The following ANGEL2 variants were observed in gnomAD, a reference collection of about 807,000 sequenced individuals.
ANGEL2 encodes the protein RNA 2',3'-cyclic phosphatase ANGEL2.
ANGEL2 carries 41 observed loss-of-function variants against 66.0 expected under a neutral mutation model. That is an observed-to-expected ratio of 0.62 (90% CI 0.48 to 0.81). ANGEL2 has a LOEUF of 0.81. ANGEL2 is among the 30% of genes least tolerant of loss of function. ANGEL2 has a pLI of 0.00. For missense variants in ANGEL2, 561 were observed against 641.6 expected (o/e 0.87, Z 1.36); for synonymous variants, 208 against 226.5 (o/e 0.92, Z 0.73).
chr1:213,015,362 C>CCGG, intron 1 of ANGEL2: 7 of 1,404,128 alleles, frequency 5.0e-6, no homozygotes, highest in Non-Finnish European at 5.5e-6. Context: ...ACAAGCCTGG[C>CCGG]CGGCGGCCCA....
In ANGEL2 at chr1:212,999,845, G is replaced by C. The variant is rs954459809; in HGVS notation, c.1319+481C>G. ...TTTTCAACTGGCATATTCATTTTTG[G>C]ATCAATTCTCTTATAGATGGTTTTG... On this transcript the variant is annotated intron_variant, in intron 7 of 8. Transcript: ENST00000366962. Among the ~76,000 whole-genome samples, 15 of 152,236 alleles carry C rather than the reference G, an allele frequency of 9.9e-5. 1 individual carries two copies. Among genetic ancestry groups the C allele is most frequent in the Admixed American group, 6.5e-4 (10 of 15,286 alleles).
At chr1:212,996,508 G>A (rs1359841776) in intron 8 of ANGEL2, among the ~76,000 whole-genome samples, 8 of 150,258 alleles carry the variant, frequency 5.3e-5, no homozygotes, top group Non-Finnish European at 1.0e-4. Flanking sequence ...TGTAGTCTTA[G>A]CTACTCGGGA....
rs2076628787 is a variant in ANGEL2 at position 213,015,725 on chromosome 1, T to C, written c.-54A>G. 1 of 1,608,556 alleles carries C rather than the reference T, an allele frequency of 6.2e-7. No individual in the cohort carries two copies. Among genetic ancestry groups the C allele is most frequent in the South Asian group, 1.1e-5 (1 of 90,970 alleles). On this transcript the variant is annotated 5_prime_UTR_variant, in exon 1 of 9. It adds an upstream start codon to the 5' untranslated region. Transcript: ENST00000366962. ...AGGCCCCGGGTTCCACCTCAATCTC[T>C]ATAATCGATGCGACGGCCTAAAGTA...
Position 213,015,854 on chromosome 1 carries a change from C to G in ANGEL2, c.-183G>C, listed in dbSNP as rs943008738. ...CGGCCTACACTCCATCTTGCGCAGTCAGAGTCCCTGAATGCCTTAACCCGG... is the reference window on the plus strand; with the variant it reads ...CGGCCTACACTCCATCTTGCGCAGTGAGAGTCCCTGAATGCCTTAACCCGG... On this transcript the variant is annotated 5_prime_UTR_variant, in exon 1 of 9. Transcript: ENST00000366962. 1 of 699,518 alleles carries G rather than the reference C, an allele frequency of 1.4e-6. No individual in the cohort carries two copies. The allele number at this position is 699,518 out of a possible 1,614,324, so 43.3% of individuals were successfully genotyped here.
intron 8 of ANGEL2, among the ~76,000 whole-genome samples, chr1:212,996,591 CTAGCCTGGGTAACAG>C (rs1346897806): frequency 7.5e-6 from 1 of 133,096 alleles, no homozygotes; most frequent in East Asian, 2.2e-4. Context: ...CCACTGCACT[CTAGCCTGGGTAACAG>C]AGCGAGACTC....
rs538732485 is a variant in ANGEL2 at position 212,997,207 on chromosome 1, A to G, written c.1431T>C (p.Thr477=). The change falls in exon 8 of 9, where the codon ACT becomes ACC. Residue 477 remains threonine, a synonymous_variant. Coordinates refer to ENST00000366962, the MANE Select transcript of ANGEL2 (RefSeq NM_144567.5). The stretch of plus-strand genomic sequence containing the variant: ...CTGCAGAGTAGAAAATATAATCCAC[A>G]GTTATGGCACTTCGGGAATGACAGG... The part of the protein sequence containing the change: ...VTTCHSRSAI[T]VDYIFYSAEK... 6.2e-7 allele frequency: 1 copy of G among 1,613,996 alleles called. No individual in the cohort carries two copies. The highest frequency in any genetic ancestry group is 1.1e-5 in the South Asian group (1 of 91,074).
chr1:213,015,660 C>T lies in ANGEL2; in HGVS notation c.12G>A (p.Trp4Ter). 1 of 1,614,188 alleles carries T rather than the reference C, an allele frequency of 6.2e-7. No individual in the cohort carries two copies. Among genetic ancestry groups the T allele is most frequent in the Non-Finnish European group, 8.5e-7 (1 of 1,180,032 alleles). MEA[W>*]RCVRKGYGHC... Reference sequence around the variant, plus strand: ...GGCCGTAGCCCTTCCTCACACAGCGCCAGGCTTCCATCTTCGCCCTCCGCG... The same window carrying T: ...GGCCGTAGCCCTTCCTCACACAGCGTCAGGCTTCCATCTTCGCCCTCCGCG... The change falls in exon 1 of 9, where the codon TGG (tryptophan) becomes TGA (stop). Residue 4 changes from tryptophan to a stop codon, truncating the protein, a stop_gained. Transcript: ENST00000366962. LOFTEE classifies it high-confidence loss of function.
At chr1:213,001,046 C>A (rs2076165107) in intron 5 of ANGEL2, 134 bp from the exon 6 acceptor site, 1 of 780,930 alleles carries the variant, frequency 1.3e-6, no homozygotes, top group Admixed American at 3.7e-5. Context: ...TTAAGTGATT[C>A]TTTGGACTTA....
chr1:213,011,125 T>C (rs945990588), intron 2 of ANGEL2: 2 of 1,225,778 alleles, frequency 1.6e-6, no homozygotes, highest in Non-Finnish European at 2.1e-6. Context: ...TGGAAGACAA[T>C]TTGAAAACCA....
At chr1:213,005,841 TC>T (rs992011329) in intron 4 of ANGEL2, among the ~76,000 whole-genome samples, 1 of 152,150 alleles carries the variant, frequency 6.6e-6, no homozygotes, top group African/African-American at 2.4e-5. Flanking sequence ...CTTAACACAC[TC>T]CAACCTCAGG....
intron 1 of ANGEL2, among the ~76,000 whole-genome samples, chr1:213,014,332 TTTTG>T (rs1322342483): frequency 3.3e-5 from 5 of 152,252 alleles, no homozygotes; most frequent in African/African-American, 4.8e-5. Context: ...CCTAAGGGAA[TTTTG>T]TTTAAGTTGC....
At chr1:212,996,267 A>G (rs898757371) in intron 8 of ANGEL2, among the ~76,000 whole-genome samples, 4 of 152,158 alleles carry the variant, frequency 2.6e-5, no homozygotes, top group African/African-American at 9.6e-5. Context: ...AGATAGCGCC[A>G]CTGCACTCCA....
rs1184206404 is a variant in ANGEL2, at chr1:212,992,436, T to G, written c.*2605A>C. 1.3e-5 allele frequency: 2 copies of G among 152,248 alleles called. No individual in the cohort carries two copies. The highest frequency in any genetic ancestry group is 2.9e-5 in the Non-Finnish European group (2 of 68,048). 9.4% of individuals were successfully genotyped at this position (152,248 alleles called of 1,614,324 possible). A position where few individuals can be genotyped will look rare whatever the true frequency, so the allele number is the denominator to read the frequency against. On this transcript the variant is annotated 3_prime_UTR_variant, in exon 9 of 9. Coordinates refer to ENST00000366962, the MANE Select transcript of ANGEL2 (RefSeq NM_144567.5). ...CTTTCCATTTAAAACTTGGATAGTA[T>G]AACACTTGAGACTGAGAGATTTGGT...
chr1:213,007,295 A>G, intron 3 of ANGEL2, 97 bp from the exon 4 acceptor site: 1 of 890,934 alleles, frequency 1.1e-6, no homozygotes, highest in Non-Finnish European at 1.7e-6. Flanking sequence ...GGCTTCTAAA[A>G]TTCCACACCT....
chr1:213,005,230 A>G lies in ANGEL2; in HGVS notation c.937T>C (p.Tyr313His), dbSNP rs371485272. The change falls in exon 5 of 9, where the codon TAT becomes CAT. Residue 313 changes from tyrosine (Y) to histidine (H), a missense_variant. Tyr to His is a moderately conservative substitution (Grantham distance 83). Transcript: ENST00000366962. ...AICVANTHLL[Y>H]NPRRGDIKLT... is the part of the protein sequence containing the mutation. ...TTAATATCACCTCGCCTTGGATTAT[A>G]CAACAGATGCGTATTTGCTACGCAG... 4.3e-6 allele frequency: 7 copies of G among 1,614,278 alleles called. No homozygotes were observed. The highest frequency in any genetic ancestry group is 5.1e-6 in the Non-Finnish European group (6 of 1,180,050).
At chr1:212,997,054 T>G in intron 8 of ANGEL2, 101 bp downstream of exon 8, 1 of 1,099,744 alleles carries the variant, frequency 9.1e-7, no homozygotes, top group Non-Finnish European at 1.3e-6. Flanking sequence ...CTTCTAGATC[T>G]AGAACTTCAA....
intron 5 of ANGEL2, among the ~76,000 whole-genome samples, chr1:213,004,446 G>C (rs2076261558): frequency 6.6e-6 from 1 of 150,974 alleles, no homozygotes; most frequent in Non-Finnish European, 1.5e-5. Flanking sequence ...CTGCCACCTT[G>C]TGTTACTTAT....
chr1:212,995,263 T>C, intron 8 of ANGEL2, 71 bp from the exon 9 acceptor site: 1 of 1,401,392 alleles, frequency 7.1e-7, no homozygotes, highest in Non-Finnish European at 9.6e-7. Context: ...CATACAAGTC[T>C]TTTCTCCAAA....
chr1:213,009,975 C>T (rs1481920726), intron 2 of ANGEL2, among the ~76,000 whole-genome samples: 7 of 148,926 alleles, frequency 4.7e-5, no homozygotes, highest in African/African-American at 1.7e-4. Context: ...CGCTGTAACC[C>T]GGGAAGCAGA....
Sources: allele counts gnomAD v4.1 joint callset (sites outside exome capture counted in the v4.1 genomes callset), GRCh38; gene constraint gnomAD v4.1.1; transcripts MANE v1.5; gene names NCBI Gene and HGNC (gene_info 2026-07-23, HGNC 2026-07-21).